MEGF9: variants seen among roughly 807,000 people sequenced by gnomAD.
The protein encoded by MEGF9 is multiple epidermal growth factor-like domains protein 9.
A neutral mutation model predicts 46.8 loss-of-function variants in MEGF9; 6 were observed. The observed-to-expected ratio is 0.13, with a 90% confidence interval of 0.07 to 0.25. MEGF9 has a LOEUF of 0.25. Among genes scored for constraint, MEGF9 ranks in the 10% least tolerant of loss-of-function variants. MEGF9 has a pLI of 1.00. For missense variants in MEGF9, 683 were observed against 792.4 expected (o/e 0.86, Z 1.66); for synonymous variants, 302 against 330.7 (o/e 0.91, Z 0.94).
chr9:120,670,804 T>A (rs2043745629), intron 1 of MEGF9, among the ~76,000 whole-genome samples: 1 of 152,144 alleles, frequency 6.6e-6, no homozygotes, highest in African/African-American at 2.4e-5. Context: ...CTCTGCCCAC[T>A]CCCATTGTCC....
At chr9:120,700,798 C>CAAA (rs1318391203) in intron 1 of MEGF9, among the ~76,000 whole-genome samples, 7 of 151,964 alleles carry the variant, frequency 4.6e-5, no homozygotes, top group Non-Finnish European at 8.8e-5. Context: ...AGACCGTTTC[C>CAAA]AGGCCAGGCA....
At chr9:120,620,699 T>A (rs55689222) in intron 3 of MEGF9, among the ~76,000 whole-genome samples, 2,419 of 152,134 alleles carry the variant, frequency 0.016, 63 homozygotes, top group African/African-American at 0.055. Context: ...AGAAAAACCA[T>A]TCTTGGCAGA....
chr9:120,616,291 A>G (rs1023244365), intron 3 of MEGF9, among the ~76,000 whole-genome samples: 3 of 152,118 alleles, frequency 2.0e-5, no homozygotes, highest in African/African-American at 7.2e-5. Context: ...AATAAAGACC[A>G]TAACGTTTAA....
At chr9:120,627,203 G>A (rs190084908) in intron 2 of MEGF9, among the ~76,000 whole-genome samples, 15 of 152,168 alleles carry the variant, frequency 9.9e-5, no homozygotes, top group African/African-American at 3.1e-4. Context: ...AATTTTAATC[G>A]AGAAGAGAAA....
At chr9:120,655,285 G>C (rs1402978365) in intron 2 of MEGF9, among the ~76,000 whole-genome samples, 1 of 152,056 alleles carries the variant, frequency 6.6e-6, no homozygotes, top group Non-Finnish European at 1.5e-5. Flanking sequence ...TACGTTTGCT[G>C]TATCTTTTCT....
intron 2 of MEGF9, among the ~76,000 whole-genome samples, chr9:120,650,887 C>A (rs756483993): frequency 2.0e-5 from 3 of 151,980 alleles, no homozygotes; most frequent in Non-Finnish European, 2.9e-5. Context: ...TGTAAGACCT[C>A]CACCTCCTAT....
intron 2 of MEGF9, among the ~76,000 whole-genome samples, chr9:120,641,018 T>A (rs990684375): frequency 6.6e-6 from 1 of 152,226 alleles, no homozygotes; most frequent in Admixed American, 6.5e-5. Context: ...TGTATCCATG[T>A]TGCTGCAACA....
chr9:120,690,019 G>A, intron 1 of MEGF9: 1 of 519,724 alleles, frequency 1.9e-6, no homozygotes, highest in Non-Finnish European at 4.0e-6. Context: ...GACAGACAAT[G>A]AGGGTAATGT....
At chr9:120,690,894 T>C (rs2043845197) in intron 1 of MEGF9, among the ~76,000 whole-genome samples, 1 of 152,120 alleles carries the variant, frequency 6.6e-6, no homozygotes, top group African/African-American at 2.4e-5. Context: ...ATAAAAATAA[T>C]GTTGGCCACA....
At chr9:120,693,292 A>G (rs555246676) in intron 1 of MEGF9, among the ~76,000 whole-genome samples, 129 of 147,546 alleles carry the variant, frequency 8.7e-4, no homozygotes, top group African/African-American at 2.9e-3. Context: ...AAAAAAAAAA[A>G]AAGAAGAAGA....
chr9:120,713,978 A>G lies in MEGF9; in HGVS notation c.381T>C (p.Pro127=). The G allele has an allele frequency of 7.2e-7, 1 of 1,379,502 alleles. No homozygotes were observed. Among genetic ancestry groups the G allele is most frequent in the Non-Finnish European group, 9.4e-7 (1 of 1,061,938 alleles). 85.5% of individuals were successfully genotyped at this position (1,379,502 alleles called of 1,614,324 possible). A position where few individuals can be genotyped will look rare whatever the true frequency, so the allele number is the denominator to read the frequency against. ...QAPLGPSPTT[P]PAAERTSTTS... ...TGGTCGAAGTGCGTTCCGCCGCCGG[A>G]GGGGTGGTCGGCGAGGGGCCGAGCG... is the stretch of plus-strand genomic sequence containing the variant. Residue 127 remains proline, a synonymous_variant, in exon 1 of 6, where the codon CCT becomes CCC. Coordinates refer to ENST00000373930, the MANE Select transcript of MEGF9 (RefSeq NM_001080497.3).
At chr9:120,638,827 T>G (rs2043590067) in intron 2 of MEGF9, among the ~76,000 whole-genome samples, 1 of 152,196 alleles carries the variant, frequency 6.6e-6, no homozygotes, top group Admixed American at 6.5e-5. Flanking sequence ...ATTTTTTGTT[T>G]GTTTTTAGAG....
chr9:120,713,960 A>G lies in MEGF9; in HGVS notation c.399T>C (p.Thr133=). ...SPTTPPAAER[T]STTSQAPTRP... ...TGGTCGGCGCCTGAGAGGTGGTCGA[A>G]GTGCGTTCCGCCGCCGGAGGGGTGG... Residue 133 remains threonine (T), a synonymous_variant, in exon 1 of 6, where the codon ACT becomes ACC. Coordinates refer to ENST00000373930, the MANE Select transcript of MEGF9 (RefSeq NM_001080497.3). 7.2e-7 allele frequency: 1 copy of G among 1,381,866 alleles called. No individual in the cohort carries two copies. Among genetic ancestry groups the G allele is most frequent in the Non-Finnish European group, 9.4e-7 (1 of 1,064,158 alleles). 85.6% of individuals were successfully genotyped at this position (1,381,866 alleles called of 1,614,324 possible). A position where few individuals can be genotyped will look rare whatever the true frequency, so the allele number is the denominator to read the frequency against.
Position 120,675,911 on chromosome 9 carries a change from C to A in MEGF9, c.602-16336G>T, listed in dbSNP as rs202113678. On this transcript the variant is annotated intron_variant, in intron 1 of 5. Transcript: ENST00000373930. ...TCAAAAAAAAAAAAAAAAAAAAAAA[C>A]AACCTATTCTTATATCAGCACATAA... 1.8e-3 allele frequency among the ~76,000 whole-genome samples: 147 copies of A among 82,680 alleles called. 1 individual carries two copies. Among genetic ancestry groups the A allele is most frequent in the East Asian group, 5.2e-3 (15 of 2,878 alleles). The allele number at this position is 82,680 out of a possible 152,430, so 54.2% of individuals were successfully genotyped here.
intron 1 of MEGF9, among the ~76,000 whole-genome samples, chr9:120,688,365 T>C: frequency 6.6e-6 from 1 of 152,134 alleles, no homozygotes; most frequent in East Asian, 1.9e-4. Context: ...GAAACAGTAG[T>C]GCTAACAGCA....
At chr9:120,648,998 C>G (rs536566837) in intron 2 of MEGF9, among the ~76,000 whole-genome samples, 1 of 152,132 alleles carries the variant, frequency 6.6e-6, no homozygotes. Context: ...CCCACCATAC[C>G]GAAGTCTTCA....
intron 3 of MEGF9, among the ~76,000 whole-genome samples, chr9:120,613,851 G>A (rs2043459703): frequency 6.6e-6 from 1 of 152,074 alleles, no homozygotes; most frequent in Non-Finnish European, 1.5e-5. Context: ...ACAGTCCAAT[G>A]CTAAAACTAT....
intron 3 of MEGF9, among the ~76,000 whole-genome samples, chr9:120,620,967 A>G (rs2043496978): frequency 6.6e-6 from 1 of 152,140 alleles, no homozygotes; most frequent in African/African-American, 2.4e-5. Context: ...GTATTTTGCC[A>G]CCCTGTTCTC....
chr9:120,657,417 T>C (rs1180763678), intron 2 of MEGF9, among the ~76,000 whole-genome samples: 1 of 152,216 alleles, frequency 6.6e-6, no homozygotes, highest in Non-Finnish European at 1.5e-5. Flanking sequence ...TAAATATCAG[T>C]ATTACTGTTT....
Sources: gnomAD v4.1 joint callset for allele counts (sites outside exome capture counted in the v4.1 genomes callset) on GRCh38, gnomAD v4.1.1 for gene constraint, MANE v1.5 for transcripts, NCBI Gene and HGNC (gene_info 2026-07-23, HGNC 2026-07-21) for gene names.